Variants in HPS1 observed in about 807,000 individuals in gnomAD.
HPS1 encodes the protein BLOC-3 complex member HPS1.
In HPS1, 59 loss-of-function variants were observed where a neutral mutation model predicts 90.6. The observed-to-expected ratio is 0.65, with a 90% confidence interval of 0.53 to 0.81. The LOEUF (loss-of-function observed/expected upper bound fraction) is 0.81. Ranked by LOEUF, HPS1 falls within the 30% of genes least tolerant of loss-of-function variation. The pLI, the probability that HPS1 is intolerant of heterozygous loss-of-function variation, is 0.00. For missense variants in HPS1, 849 were observed against 896.7 expected (o/e 0.95, Z 0.68); for synonymous variants, 388 against 384.4 (o/e 1.01, Z -0.11).
At chr10:98,415,072 G>A (rs74845305), downstream of HPS1, 71 of 1,613,700 alleles carry the variant, frequency 4.4e-5, 1 homozygote, top group Admixed American at 6.3e-4. Context: ...GTGTTATCTC[G>A]TCTCCACGCC....
rs1939393817 is a variant in HPS1 at position 98,445,764 on chromosome 10, C to A, written c.-105-360G>T. On this transcript the variant is annotated intron_variant, in intron 1 of 19. Transcript: ENST00000361490. The surrounding 1 kb of genome is among the most constrained non-coding windows in gnomAD (Gnocchi z 4.5). ...TAGCACATCCCAGGTGGTGAGGATG[C>A]AGTCCCGGTGAAGGGAGTGGGGATC... Among the ~76,000 whole-genome samples, 1 of 152,176 alleles carries A rather than the reference C, an allele frequency of 6.6e-6. No homozygotes were observed. The highest frequency in any genetic ancestry group is 2.4e-5 in the African/African-American group (1 of 41,438).
At chr10:98,415,094 G>A (rs778147499), downstream of HPS1, 2 of 1,614,034 alleles carry the variant, frequency 1.2e-6, no homozygotes, top group Non-Finnish European at 8.5e-7. Context: ...GGAAGGGAGA[G>A]GCGGCCACAG....
chr10:98,417,699 G>T lies in HPS1; in HGVS notation c.1968C>A (p.Asn656Lys), dbSNP rs1844278117. 8 of 1,613,950 alleles carry T rather than the reference G, an allele frequency of 5.0e-6. No individual in the cohort carries two copies. Among genetic ancestry groups the T allele is most frequent in the East Asian group, 2.2e-5 (1 of 44,868 alleles). The change falls in exon 20 of 20, where the codon AAC (asparagine) becomes AAA (lysine). Residue 656 changes from asparagine to lysine, a missense_variant. Physicochemically the swap from Asn to Lys is moderately conservative, Grantham distance 94. Transcript: ENST00000361490. This position sits in a 1 kb window ranked among gnomAD's most constrained non-coding sequence, Gnocchi z 4.2. ...YRKLLRYYSK[N>K]RPTEAVRCYE... is the part of the protein sequence containing the mutation. ...AGCACCTGACAGCCTCGGTTGGGCG[G>T]TTCTTGCTGTAGTAGCGCAGGAGCT...
intron 11 of HPS1, among the ~76,000 whole-genome samples, chr10:98,426,738 C>A (rs1770165054): frequency 1.5e-5 from 2 of 133,492 alleles, no homozygotes; most frequent in African/African-American, 6.2e-5. Flanking sequence ...CACATGTGTA[C>A]ATATGTAGTG....
Position 98,418,212 on chromosome 10 carries a change from A to G in HPS1, c.1903T>C (p.Ser635Pro). Residue 635 changes from serine (S) to proline (P), a missense_variant, in exon 19 of 20, where the codon TCA becomes CCA. Transcript: ENST00000361490. ...CCTCCCAGCATGCCGATAGGCACTGAGTCGTCGGAGAGGACGGGCACCTCG... is the reference window on the plus strand; with the variant it reads ...CCTCCCAGCATGCCGATAGGCACTGGGTCGTCGGAGAGGACGGGCACCTCG... ...MIEVPVLSDD[S>P]VPIGMLGGDY... The G allele has an allele frequency of 6.2e-7, 1 of 1,610,800 alleles. No individual in the cohort carries two copies. The highest frequency in any genetic ancestry group is 8.5e-7 in the Non-Finnish European group (1 of 1,177,854).
In HPS1 at chr10:98,425,812, T is replaced by TCC. The variant is rs1845531851; in HGVS notation, c.1155+4_1155+5dup. 1 of 1,613,134 alleles carries TCC rather than the reference T, an allele frequency of 6.2e-7. No homozygotes were observed. Among genetic ancestry groups the TCC allele is most frequent in the Admixed American group, 1.7e-5 (1 of 59,980 alleles). Reference sequence around the variant, plus strand: ...ATCATCAGGGCAGGGTGAGGGGCTCTCCTACCCTGGTCAGGAGCACCAGGT... The same window carrying TCC: ...ATCATCAGGGCAGGGTGAGGGGCTCTCCCCTACCCTGGTCAGGAGCACCAGGT... On this transcript the variant is annotated splice_donor_region_variant and intron_variant, in intron 12 of 19. Transcript: ENST00000361490.
At chr10:98,443,679 C>T (rs780225420) in intron 2 of HPS1, among the ~76,000 whole-genome samples, 12 of 152,224 alleles carry the variant, frequency 7.9e-5, no homozygotes, top group East Asian at 1.9e-4. Flanking sequence ...TGGTGTGGAT[C>T]GGAGGGCACT....
Position 98,435,749 on chromosome 10 carries a change from G to A in HPS1, c.141C>T (p.Leu47=). Residue 47 remains leucine, a synonymous_variant, in exon 4 of 20, where the codon CTC becomes CTT. Transcript: ENST00000361490. The surrounding 1 kb of genome is among the most constrained non-coding windows in gnomAD (Gnocchi z 4.3). ...EEELPALEDQ[L]STLLAPVIIS... ...TGATGACCGGGGCTAGGAGGGTGCT[G>A]AGCTGGTCCTCCAGGGCAGGGAGCT... is the stretch of plus-strand genomic sequence containing the variant. 1 of 1,614,194 alleles carries A rather than the reference G, an allele frequency of 6.2e-7. No individual in the cohort carries two copies. The highest frequency in any genetic ancestry group is 8.5e-7 in the Non-Finnish European group (1 of 1,180,030).
chr10:98,434,592 A>G (rs764840651), intron 5 of HPS1, among the ~76,000 whole-genome samples: 9 of 151,862 alleles, frequency 5.9e-5, no homozygotes, highest in Non-Finnish European at 1.0e-4. Context: ...GCATTTGAGA[A>G]ATGCCTCAAT....
intron 6 of HPS1, among the ~76,000 whole-genome samples, chr10:98,432,646 T>C (rs555112830): frequency 1.4e-4 from 22 of 152,380 alleles, no homozygotes; most frequent in African/African-American, 5.3e-4. Context: ...CTGGTCAATT[T>C]AGAGTTTCTT....
chr10:98,416,798 C>T lies in HPS1; in HGVS notation c.*766G>A, dbSNP rs886046587. ...TCTCGGTTGGAAGAGAGGGGCTGTA[C>T]CCCTCGGGTGGTGGTTCTCAATCCA... is the stretch of plus-strand genomic sequence containing the variant. On this transcript the variant is annotated 3_prime_UTR_variant, in exon 20 of 20. Coordinates refer to ENST00000361490, the MANE Select transcript of HPS1 (RefSeq NM_000195.5). 2 of 152,308 alleles carry T rather than the reference C, an allele frequency of 1.3e-5. No homozygotes were observed. Among genetic ancestry groups the T allele is most frequent in the African/African-American group, 2.4e-5 (1 of 41,442 alleles). The allele number at this position is 152,308 out of a possible 1,614,324, so 9.4% of individuals were successfully genotyped here.
chr10:98,432,698 T>C (rs944901683), intron 6 of HPS1, among the ~76,000 whole-genome samples: 2 of 152,258 alleles, frequency 1.3e-5, no homozygotes, highest in African/African-American at 4.8e-5. Flanking sequence ...TTTTTAAATA[T>C]TTCATAGTTA....
chr10:98,437,554 A>C (rs1847513010), intron 3 of HPS1, among the ~76,000 whole-genome samples: 1 of 152,238 alleles, frequency 6.6e-6, no homozygotes, highest in Non-Finnish European at 1.5e-5. Context: ...TTGTGTTACA[A>C]CTGCCTGCAG....
At chr10:98,443,304 T>A in intron 2 of HPS1, 64 bp from the exon 3 acceptor site, 2 of 1,216,548 alleles carry the variant, frequency 1.6e-6, no homozygotes, top group Non-Finnish European at 2.4e-6. Flanking sequence ...TCAGTCTGAG[T>A]AACGAAGAGG....
chr10:98,418,216 G>A lies in HPS1; in HGVS notation c.1899C>T (p.Asp633=), dbSNP rs554855894. 1.1e-4 allele frequency: 174 copies of A among 1,610,718 alleles called. No homozygotes were observed. The highest frequency in any genetic ancestry group is 2.4e-4 in the South Asian group (22 of 90,634). Residue 633 remains aspartate, a synonymous_variant, in exon 19 of 20, where the codon GAC becomes GAT. Transcript: ENST00000361490. ...LQMIEVPVLS[D]DSVPIGMLGG... is the part of the protein sequence containing the mutation. ...CCAGCATGCCGATAGGCACTGAGTC[G>A]TCGGAGAGGACGGGCACCTCGATCA... is the stretch of plus-strand genomic sequence containing the variant.
intron 2 of HPS1, among the ~76,000 whole-genome samples, chr10:98,444,446 CAG>C (rs1435998680): frequency 2.2e-4 from 33 of 152,210 alleles, no homozygotes; most frequent in Non-Finnish European, 3.4e-4. Context: ...GACAGTGCTC[CAG>C]GCTGGCTGCT....
At chr10:98,443,284 A>G (rs776331894) in intron 2 of HPS1, 44 bp from the exon 3 acceptor site, 65 of 1,408,016 alleles carry the variant, frequency 4.6e-5, no homozygotes, top group Non-Finnish European at 6.0e-5. Flanking sequence ...CAGCCCCAAC[A>G]TCTATGAGCT....
rs373358263 is a variant in HPS1 at position 98,418,293 on chromosome 10, G to A, written c.1858-36C>T. On this transcript the variant is annotated intron_variant, in intron 18 of 19. Coordinates refer to ENST00000361490, the MANE Select transcript of HPS1 (RefSeq NM_000195.5). ...AGGACAGGGAGGCAGTGGGTGTGGGGGTAGTGCAAGGGCCTGAGTCAGACG... is the reference window on the plus strand; with the variant it reads ...AGGACAGGGAGGCAGTGGGTGTGGGAGTAGTGCAAGGGCCTGAGTCAGACG... The A allele has an allele frequency of 3.8e-4, 490 of 1,274,718 alleles. 2 individuals are homozygous for A. The highest frequency in any genetic ancestry group is 3.7e-3 in the South Asian group (292 of 78,640). 79.0% of individuals were successfully genotyped at this position (1,274,718 alleles called of 1,614,324 possible).
intron 11 of HPS1, among the ~76,000 whole-genome samples, chr10:98,426,917 A>G (rs944788478): frequency 6.6e-6 from 1 of 151,342 alleles, no homozygotes; most frequent in African/African-American, 2.5e-5. Flanking sequence ...ATAAATATAC[A>G]TGCTCACTTA....
Sources: gnomAD v4.1 joint callset for allele counts (sites outside exome capture counted in the v4.1 genomes callset) on GRCh38, gnomAD v4.1.1 for gene constraint, Gnocchi (gnomAD v3.1) non-coding constraint, MANE v1.5 for transcripts, NCBI Gene and HGNC (gene_info 2026-07-23, HGNC 2026-07-21) for gene names.